Variants in BRINP3 observed in about 807,000 individuals in gnomAD.
The protein encoded by BRINP3 is BMP/retinoic acid inducible neural specific 3.
A neutral mutation model predicts 71.0 loss-of-function variants in BRINP3; 19 were observed. The observed-to-expected ratio is 0.27, with a 90% CI of 0.19 to 0.39. The LOEUF is 0.39. Among genes scored for constraint, BRINP3 ranks in the 10% least tolerant of loss-of-function variants. BRINP3 has a pLI of 1.00. For missense variants in BRINP3, 959 were observed against 940.8 expected (o/e 1.02, Z -0.25); for synonymous variants, 380 against 337.7 (o/e 1.13, Z -1.37).
chr1:190,168,627 A>T (rs1469240160), intron 6 of BRINP3, among the ~76,000 whole-genome samples: 1 of 152,184 alleles, frequency 6.6e-6, no homozygotes, highest in Non-Finnish European at 1.5e-5. Flanking sequence ...ATACAAAGTG[A>T]AGCTTCCTGT....
chr1:190,152,256 T>A (rs1185474200), intron 7 of BRINP3, among the ~76,000 whole-genome samples: 3 of 152,028 alleles, frequency 2.0e-5, no homozygotes, highest in Admixed American at 6.6e-5. Flanking sequence ...TTTAAATATA[T>A]TTTTTGTTAA....
At chr1:190,289,047 G>C (rs928721041) in intron 2 of BRINP3, among the ~76,000 whole-genome samples, 4 of 151,604 alleles carry the variant, frequency 2.6e-5, no homozygotes, top group African/African-American at 9.7e-5. Flanking sequence ...TGGATTATGT[G>C]AAGGTAACTA....
chr1:190,274,493 A>G (rs1370416261), intron 3 of BRINP3, among the ~76,000 whole-genome samples: 1 of 151,624 alleles, frequency 6.6e-6, no homozygotes, highest in Non-Finnish European at 1.5e-5. Flanking sequence ...ATGCTATTTG[A>G]GTGAAAATCC....
chr1:190,445,915 T>C (rs2102585168), intron 2 of BRINP3, among the ~76,000 whole-genome samples: 1 of 152,316 alleles, frequency 6.6e-6, no homozygotes, highest in South Asian at 2.1e-4. Flanking sequence ...TAAATAATTG[T>C]GTTAACTAGC....
chr1:190,451,571 GA>G (rs1675610079), intron 2 of BRINP3, among the ~76,000 whole-genome samples: 2 of 151,716 alleles, frequency 1.3e-5, no homozygotes, highest in South Asian at 4.1e-4. Context: ...AACACTTTTA[GA>G]AATGCCTTTT....
At chr1:190,187,892 T>G (rs1004243008) in intron 6 of BRINP3, among the ~76,000 whole-genome samples, 9 of 63,158 alleles carry the variant, frequency 1.4e-4, no homozygotes, top group East Asian at 6.8e-4. Context: ...CAAATTTCAG[T>G]TTTTTTTTCT....
chr1:190,239,002 G>A (rs1325753204), intron 4 of BRINP3, among the ~76,000 whole-genome samples: 1 of 152,164 alleles, frequency 6.6e-6, no homozygotes, highest in Non-Finnish European at 1.5e-5. Flanking sequence ...CATGGCCGAA[G>A]GCAGAAGGTG....
At position 190,098,164 on chromosome 1, in the gene BRINP3, G is replaced by T. The variant is rs367715031; in HGVS notation, c.2155C>A (p.Arg719Ser). Residue 719 changes from arginine to serine, a missense_variant, in exon 8 of 8, where the codon CGT becomes AGT. By Grantham distance (110) the Arg-to-Ser change is moderately radical (BLOSUM62 -1). Coordinates refer to ENST00000367462, the MANE Select transcript of BRINP3 (RefSeq NM_199051.3). ...RVNKLSPPGQ[R>S]RLDLFSCLLR... is the part of the protein sequence containing the mutation. ...AAGCAAGAGAAAAGATCTAGACGAC[G>T]CTGACCAGGTGGGGAGAGTTTATTT... 13 of 1,614,128 alleles carry T rather than the reference G, an allele frequency of 8.1e-6. No homozygotes were observed. The highest frequency in any genetic ancestry group is 1.0e-5 in the Non-Finnish European group (12 of 1,180,022).
intron 2 of BRINP3, among the ~76,000 whole-genome samples, chr1:190,391,539 T>C (rs556518645): frequency 1.3e-5 from 2 of 151,934 alleles, no homozygotes; most frequent in East Asian, 3.9e-4. Flanking sequence ...ACAAAAATTA[T>C]ATTTCCTATA....
intron 2 of BRINP3, among the ~76,000 whole-genome samples, chr1:190,334,731 G>C (rs1255185978): frequency 6.6e-6 from 1 of 151,628 alleles, no homozygotes; most frequent in East Asian, 1.9e-4. Context: ...ACTTAAACTG[G>C]GAAGTATAAA....
intron 6 of BRINP3, among the ~76,000 whole-genome samples, chr1:190,167,019 C>T (rs926932289): frequency 2.6e-5 from 4 of 152,116 alleles, no homozygotes; most frequent in East Asian, 1.9e-4. Flanking sequence ...GACATCGCGC[C>T]GGGCCTATGA....
At chr1:190,347,331 G>A (rs1445962277) in intron 2 of BRINP3, among the ~76,000 whole-genome samples, 1 of 151,980 alleles carries the variant, frequency 6.6e-6, no homozygotes, top group Non-Finnish European at 1.5e-5. Flanking sequence ...TAGTAGAGAC[G>A]GAGTTTCACC....
intron 2 of BRINP3, among the ~76,000 whole-genome samples, chr1:190,425,155 T>C (rs756499416): frequency 6.6e-6 from 1 of 151,620 alleles, no homozygotes. Flanking sequence ...ATATAGGTGA[T>C]AGTTTGAAGG....
chr1:190,429,967 C>T (rs770393250), intron 2 of BRINP3, among the ~76,000 whole-genome samples: 7 of 152,064 alleles, frequency 4.6e-5, no homozygotes, highest in Non-Finnish European at 8.8e-5. Flanking sequence ...CAAACATATA[C>T]TTAAGGAACA....
At chr1:190,107,785 T>C (rs1370929004) in intron 7 of BRINP3, among the ~76,000 whole-genome samples, 2 of 151,986 alleles carry the variant, frequency 1.3e-5, no homozygotes, top group Non-Finnish European at 2.9e-5. Context: ...GACCTCGACT[T>C]ATGTTGGCGA....
intron 5 of BRINP3, among the ~76,000 whole-genome samples, chr1:190,233,468 A>AC (rs1239590378): frequency 6.6e-6 from 1 of 152,196 alleles, no homozygotes; most frequent in East Asian, 1.9e-4. Context: ...GGCATAAGCC[A>AC]CCACGTGGGG....
At chr1:190,157,680 A>G (rs1656988426) in intron 7 of BRINP3, among the ~76,000 whole-genome samples, 1 of 152,092 alleles carries the variant, frequency 6.6e-6, no homozygotes, top group Non-Finnish European at 1.5e-5. Context: ...TCACCCAGCC[A>G]CATTTTCCAG....
chr1:190,425,745 C>T (rs1297719560), intron 2 of BRINP3, among the ~76,000 whole-genome samples: 1 of 151,748 alleles, frequency 6.6e-6, no homozygotes, highest in African/African-American at 2.4e-5. Context: ...CTTTGTTTGA[C>T]CTTAAATAAG....
chr1:190,417,581 C>A (rs1357678707), intron 2 of BRINP3, among the ~76,000 whole-genome samples: 2 of 151,832 alleles, frequency 1.3e-5, no homozygotes, highest in African/African-American at 2.4e-5. Context: ...ATATTTGATA[C>A]CAACATACTT....
Sources: gnomAD v4.1 joint callset for allele counts (sites outside exome capture counted in the v4.1 genomes callset) on GRCh38, gnomAD v4.1.1 for gene constraint, MANE v1.5 for transcripts, NCBI Gene and HGNC (gene_info 2026-07-23, HGNC 2026-07-21) for gene names.